Variants in HERC2 observed in about 807,000 individuals in gnomAD.
HERC2 encodes the protein HECT and RLD domain containing E3 ubiquitin protein ligase 2, also known as E3 ubiquitin-protein ligase HERC2.
Under a neutral mutation model 537.7 loss-of-function variants are expected in HERC2, and 102 were observed. The ratio of observed to expected loss-of-function variants is 0.19; its 90% confidence interval spans 0.16 to 0.22. The LOEUF (loss-of-function observed/expected upper bound fraction) is 0.22, where lower values mean the gene tolerates loss of function less well. Among genes scored for constraint, HERC2 ranks in the 10% least tolerant of loss-of-function variants. The pLI is 1.00. For missense variants in HERC2, 4,236 were observed against 6,198.2 expected (o/e 0.68, Z 10.63); for synonymous variants, 2,224 against 2,466.2 (o/e 0.90, Z 2.91).
intron 45 of HERC2, chr15:28,203,346 G>A (rs1006507341): frequency 4.7e-5 from 7 of 148,886 alleles, no homozygotes; most frequent in African/African-American, 1.8e-4. Flanking sequence ...AGGACACTGT[G>A]GAGCCCCCCG....
chr15:28,287,733 T>G (rs1209193200), intron 4 of HERC2, among the ~76,000 whole-genome samples: 4 of 143,796 alleles, frequency 2.8e-5, no homozygotes, highest in Admixed American at 6.9e-5. Flanking sequence ...TTTTTTTTTT[T>G]TTTTTGGTTT....
chr15:28,212,572 C>T lies in HERC2; in HGVS notation c.6798G>A (p.Val2266=), dbSNP rs1193633515. ...PLNQLKPLPA[V]AFNVNNLPFT... is the part of the protein sequence containing the mutation. Reference sequence around the variant, plus strand: ...AGGGCAGGTTGTTCACATTAAAGGCCACGGCAGGGAGCTGGAGAGGACACA... The same window carrying T: ...AGGGCAGGTTGTTCACATTAAAGGCTACGGCAGGGAGCTGGAGAGGACACA... Residue 2266 remains valine, a synonymous_variant, in exon 43 of 93, where the codon GTG becomes GTA. Coordinates refer to ENST00000261609, the MANE Select transcript of HERC2 (RefSeq NM_004667.6). The T allele has an allele frequency of 6.2e-7, 1 of 1,606,470 alleles. No individual in the cohort carries two copies. Among genetic ancestry groups the T allele is most frequent in the Admixed American group, 1.7e-5 (1 of 59,816 alleles).
At chr15:28,280,577 C>A (rs925910422) in intron 4 of HERC2, among the ~76,000 whole-genome samples, 2 of 152,062 alleles carry the variant, frequency 1.3e-5, no homozygotes, top group Non-Finnish European at 2.9e-5. Context: ...CTTGAGCCAC[C>A]ATGGCACACT....
chr15:28,132,267 G>T lies in HERC2; in HGVS notation c.12409-6C>A. 1.9e-6 allele frequency: 3 copies of T among 1,601,836 alleles called. No homozygotes were observed. Among genetic ancestry groups the T allele is most frequent in the African/African-American group, 2.7e-5 (2 of 74,734 alleles). On this transcript the variant is annotated splice_polypyrimidine_tract_variant and splice_region_variant and intron_variant, in intron 80 of 92. Transcript: ENST00000261609. ...TGGCCCTGCAGCGCCTCCACCTTCAGAGAAAAGGGACTTGGGTTGGCCAAG... is the reference window on the plus strand; with the variant it reads ...TGGCCCTGCAGCGCCTCCACCTTCATAGAAAAGGGACTTGGGTTGGCCAAG...
Position 28,122,856 on chromosome 15 carries a change from G to GCCC in HERC2, c.13188+1178_13188+1180dup, listed in dbSNP as rs1042745055. On this transcript the variant is annotated intron_variant, in intron 85 of 92. Transcript: ENST00000261609. The surrounding 1 kb of genome is among the most constrained non-coding windows in gnomAD (Gnocchi z 4.1). ...CTACCACACACCAGCTCCCACCCAT[G>GCCC]CCCCGCTCACAGCCTGCACAACGCT... Among the ~76,000 whole-genome samples, 1 of 151,990 alleles carries GCCC rather than the reference G, an allele frequency of 6.6e-6. No individual in the cohort carries two copies. The highest frequency in any genetic ancestry group is 1.5e-5 in the Non-Finnish European group (1 of 67,994).
chr15:28,198,709 T>C lies in HERC2; in HGVS notation c.7777A>G (p.Lys2593Glu), dbSNP rs1567000636. The change falls in exon 49 of 93, where the codon AAA (lysine) becomes GAA (glutamate). Residue 2593 changes from lysine (K) to glutamate (E), a missense_variant. This residue lies in a region of HERC2 where 606 missense variants were observed against 884.5 expected (regional missense o/e 0.69). Coordinates refer to ENST00000261609, the MANE Select transcript of HERC2 (RefSeq NM_004667.6). ...CCATCTCTGTCCAGCTTGATGACTT[T>C]GCCAACATCACCTTCGCACACTTCT... ...YEEVCEGDVG[K>E]VIKLDRDGLH... The C allele has an allele frequency of 1.9e-6, 3 of 1,614,202 alleles. No homozygotes were observed. The highest frequency in any genetic ancestry group is 1.7e-6 in the Non-Finnish European group (2 of 1,180,022).
intron 4 of HERC2, among the ~76,000 whole-genome samples, chr15:28,286,802 AG>A (rs2076169586): frequency 6.6e-6 from 1 of 152,204 alleles, no homozygotes; most frequent in African/African-American, 2.4e-5. Context: ...TTAGACAAAA[AG>A]AAAAGCTGTG....
Position 28,125,246 on chromosome 15 carries a change from A to G in HERC2, c.12803-53T>C, listed in dbSNP as rs1889348395. On this transcript the variant is annotated intron_variant, in intron 83 of 92. Coordinates refer to ENST00000261609, the MANE Select transcript of HERC2 (RefSeq NM_004667.6). ...CCTGTATACTAGGGCCAACAAACGCATGGCTGCCAGTGTCTTCCCACCACA... is the reference window on the plus strand; with the variant it reads ...CCTGTATACTAGGGCCAACAAACGCGTGGCTGCCAGTGTCTTCCCACCACA... 1.1e-5 allele frequency: 16 copies of G among 1,446,436 alleles called. No homozygotes were observed. In the Admixed American group the frequency reaches 2.5e-4, roughly 23 times the overall value. 89.6% of individuals were successfully genotyped at this position (1,446,436 alleles called of 1,614,324 possible). A position where few individuals can be genotyped will look rare whatever the true frequency, so the allele number is the denominator to read the frequency against.
At chr15:28,132,302 A>G in intron 80 of HERC2, 41 bp from the exon 81 acceptor site, 1 of 1,560,610 alleles carries the variant, frequency 6.4e-7, no homozygotes, top group South Asian at 1.2e-5. Flanking sequence ...GCACAACACA[A>G]GAAGGCTTGC....
chr15:28,317,369 G>A (rs1440099045), intron 2 of HERC2, among the ~76,000 whole-genome samples: 6 of 152,246 alleles, frequency 3.9e-5, no homozygotes, highest in East Asian at 3.9e-4. Context: ...GATTACAGGC[G>A]TGAGCCACCG....
chr15:28,176,617 A>T lies in HERC2; in HGVS notation c.9515-18T>A. The T allele has an allele frequency of 6.2e-7, 1 of 1,614,020 alleles. No individual in the cohort carries two copies. ...TACCAAACCTAGGTTTAAGAAACAC[A>T]TATACTTCAGGCCAGCGTTTCATAT... On this transcript the variant is annotated intron_variant, in intron 62 of 92. Transcript: ENST00000261609. The surrounding 1 kb of genome is among the most constrained non-coding windows in gnomAD (Gnocchi z 5.0).
chr15:28,291,608 T>A (rs1396393413), intron 4 of HERC2, among the ~76,000 whole-genome samples: 7 of 151,948 alleles, frequency 4.6e-5, no homozygotes, highest in Non-Finnish European at 8.8e-5. Context: ...GCATTAGACA[T>A]TTAAAAAATT....
intron 70 of HERC2, among the ~76,000 whole-genome samples, chr15:28,151,770 A>T (rs76212527): frequency 1.6e-5 from 2 of 127,150 alleles, no homozygotes; most frequent in African/African-American, 2.7e-5. Context: ...TAATAACATT[A>T]AAAAAAAAAA....
intron 78 of HERC2, among the ~76,000 whole-genome samples, chr15:28,140,963 C>T (rs1236738951): frequency 6.6e-5 from 10 of 151,468 alleles, no homozygotes; most frequent in South Asian, 2.1e-4. Context: ...ATTGGCCGGG[C>T]GTGGTGGCTC....
chr15:28,255,737 G>A, intron 19 of HERC2, 135 bp downstream of exon 19: 2 of 975,128 alleles, frequency 2.1e-6, no homozygotes, highest in Non-Finnish European at 1.5e-6. Flanking sequence ...GCACATAAAA[G>A]AATTTTAATT....
intron 5 of HERC2, among the ~76,000 whole-genome samples, chr15:28,279,742 G>A (rs2075974384): frequency 6.6e-6 from 1 of 152,098 alleles, no homozygotes; most frequent in South Asian, 2.1e-4. Flanking sequence ...GAGCCCTGGA[G>A]TTCAAGGTTA....
chr15:28,272,076 C>G, intron 9 of HERC2, 139 bp downstream of exon 9: 1 of 735,432 alleles, frequency 1.4e-6, no homozygotes, highest in Non-Finnish European at 2.2e-6. Flanking sequence ...CCACACCTGT[C>G]TCATCTGACT....
chr15:28,180,622 T>C (rs1000131553), intron 57 of HERC2, among the ~76,000 whole-genome samples: 6 of 152,202 alleles, frequency 3.9e-5, no homozygotes, highest in Admixed American at 3.9e-4. Context: ...CTATTCACTC[T>C]ATGTGGGTAC....
At chr15:28,248,320 T>C (rs556748192) in intron 21 of HERC2, among the ~76,000 whole-genome samples, 4 of 152,348 alleles carry the variant, frequency 2.6e-5, no homozygotes, top group Admixed American at 2.6e-4. Flanking sequence ...TACAGGATGC[T>C]ATTACTGATG....
Sources: allele counts gnomAD v4.1 joint callset (sites outside exome capture counted in the v4.1 genomes callset), GRCh38; gene constraint gnomAD v4.1.1; regional missense constraint gnomAD v4.1.1; non-coding constraint Gnocchi (gnomAD v3.1); transcripts MANE v1.5; gene names NCBI Gene and HGNC (gene_info 2026-07-23, HGNC 2026-07-21).